The following TIMP3 variants were observed in gnomAD, a reference collection of about 807,000 sequenced individuals.
TIMP3 encodes TIMP metallopeptidase inhibitor 3.
A neutral mutation model predicts 30.0 loss-of-function variants in TIMP3; 11 were observed. That is an observed-to-expected ratio of 0.37 (90% CI 0.23 to 0.61). The LOEUF is 0.61. Ranked by LOEUF, TIMP3 falls within the 20% of genes least tolerant of loss-of-function variation. The pLI, the probability that TIMP3 is intolerant of heterozygous loss-of-function variation, is 0.70. For synonymous variants in TIMP3, 112 were observed against 111.3 expected (o/e 1.01, Z -0.04); for missense variants, 181 against 276.8 (o/e 0.65, Z 2.45).
chr22:32,846,987 G>GTGACATCT (rs1216881395), intron 1 of TIMP3, among the ~76,000 whole-genome samples: 1 of 152,210 alleles, frequency 6.6e-6, no homozygotes, highest in Non-Finnish European at 1.5e-5. Flanking sequence ...TATGGGGCAG[G>GTGACATCT]TCTGCTTGTG....
intron 1 of TIMP3, among the ~76,000 whole-genome samples, chr22:32,824,738 C>T (rs1489394951): frequency 1.3e-5 from 2 of 152,112 alleles, no homozygotes; most frequent in African/African-American, 2.4e-5. Context: ...CCTCTGCTTT[C>T]GATGTTGTTC....
intron 1 of TIMP3, among the ~76,000 whole-genome samples, chr22:32,803,432 A>T (rs1192643863): frequency 6.6e-6 from 1 of 151,916 alleles, no homozygotes; most frequent in Non-Finnish European, 1.5e-5. Flanking sequence ...GGGTGTGGTG[A>T]CCAGAATGTC....
intron 1 of TIMP3, among the ~76,000 whole-genome samples, chr22:32,840,646 C>T (rs1359114053): frequency 1.3e-5 from 2 of 152,078 alleles, no homozygotes; most frequent in South Asian, 2.1e-4. Flanking sequence ...CCGCCCCCTC[C>T]GCCCCCCACC....
rs78119617 is a variant in TIMP3, at chr22:32,807,592, C to G, written c.121+5470C>G. On this transcript the variant is annotated intron_variant, in intron 1 of 4. Transcript: ENST00000266085. ...TGAGGGAGGTGTGCTATTGTCATCT[C>G]CATTTTACAGCTGAGGAAACTGAGG... 8.5e-3 allele frequency among the ~76,000 whole-genome samples: 1,266 copies of G among 149,776 alleles called. 19 individuals carry two copies. Among genetic ancestry groups the G allele is most frequent in the African/African-American group, 0.029 (1,198 of 40,796 alleles).
chr22:32,810,718 G>C (rs2046894154), intron 1 of TIMP3, among the ~76,000 whole-genome samples: 1 of 152,218 alleles, frequency 6.6e-6, no homozygotes, highest in Non-Finnish European at 1.5e-5. Context: ...CAGAGCTCCT[G>C]CAATGCCTGG....
chr22:32,856,933 A>G (rs938160190), intron 2 of TIMP3, among the ~76,000 whole-genome samples: 9 of 152,176 alleles, frequency 5.9e-5, no homozygotes, highest in African/African-American at 2.2e-4. Flanking sequence ...TGCCTGGCTT[A>G]TTCCGCTTAG....
chr22:32,859,399 C>G lies in TIMP3; in HGVS notation c.*22C>G. The G allele has an allele frequency of 6.2e-7, 1 of 1,601,276 alleles. No homozygotes were observed. The highest frequency in any genetic ancestry group is 1.1e-5 in the South Asian group (1 of 90,410). ...CTGAGCGCCAGACCCTGCCCCACCT[C>G]ACTTCCCTCCCTTCCCGCTGAGCTT... On this transcript the variant is annotated 3_prime_UTR_variant, in exon 5 of 5. Transcript: ENST00000266085.
At chr22:32,804,517 T>C (rs1180221255) in intron 1 of TIMP3, among the ~76,000 whole-genome samples, 2 of 152,196 alleles carry the variant, frequency 1.3e-5, no homozygotes, top group Non-Finnish European at 2.9e-5. Context: ...TTTAAAACCA[T>C]CATGGTGGTT....
At chr22:32,807,737 T>C (rs1056169526) in intron 1 of TIMP3, among the ~76,000 whole-genome samples, 2 of 151,376 alleles carry the variant, frequency 1.3e-5, no homozygotes, top group Non-Finnish European at 2.9e-5. Context: ...GGTCACATTA[T>C]ACCATATCAT....
intron 1 of TIMP3, among the ~76,000 whole-genome samples, chr22:32,807,817 C>T (rs1231653890): frequency 6.6e-6 from 1 of 151,904 alleles, no homozygotes; most frequent in East Asian, 1.9e-4. Flanking sequence ...TTTAATAGTT[C>T]CTGCCAATTT....
At chr22:32,817,018 G>C (rs191816379) in intron 1 of TIMP3, among the ~76,000 whole-genome samples, 1 of 150,798 alleles carries the variant, frequency 6.6e-6, no homozygotes, top group East Asian at 2.0e-4. Context: ...AGGAATTGAA[G>C]ACCAGTCTGG....
chr22:32,828,291 A>G (rs1173037874), intron 1 of TIMP3, among the ~76,000 whole-genome samples: 1 of 152,210 alleles, frequency 6.6e-6, no homozygotes, highest in Non-Finnish European at 1.5e-5. Context: ...CAAGAGGGCA[A>G]GTTCTTACGG....
chr22:32,855,752 A>G (rs866065655), intron 2 of TIMP3, among the ~76,000 whole-genome samples: 23 of 152,318 alleles, frequency 1.5e-4, no homozygotes, highest in Middle Eastern at 3.4e-3. Context: ...TGTTGTGACA[A>G]CCAAAATTGT....
At chr22:32,854,690 C>T (rs1433797937) in intron 2 of TIMP3, among the ~76,000 whole-genome samples, 3 of 152,138 alleles carry the variant, frequency 2.0e-5, no homozygotes, top group Admixed American at 6.5e-5. Context: ...AAGTCATCAT[C>T]GTGACTCTAC....
In TIMP3 at chr22:32,861,888, G is replaced by A. The variant is rs1480111462; in HGVS notation, c.*2511G>A. 6.6e-6 allele frequency: 1 copy of A among 152,592 alleles called. No homozygotes were observed. Among genetic ancestry groups the A allele is most frequent in the African/African-American group, 2.4e-5 (1 of 41,416 alleles). 9.5% of individuals were successfully genotyped at this position (152,592 alleles called of 1,614,324 possible). ...TTTATTTTGCTAAATCTTGTGTCAT[G>A]TGTAGGCTGTAATATGTGTACATTG... On this transcript the variant is annotated 3_prime_UTR_variant, in exon 5 of 5. Coordinates refer to ENST00000266085, the MANE Select transcript of TIMP3 (RefSeq NM_000362.5).
chr22:32,861,258 C>A lies in TIMP3; in HGVS notation c.*1881C>A. On this transcript the variant is annotated 3_prime_UTR_variant, in exon 5 of 5. Coordinates refer to ENST00000266085, the MANE Select transcript of TIMP3 (RefSeq NM_000362.5). The stretch of plus-strand genomic sequence containing the variant: ...CCAGGCAAGGTGCTTGGCAGAACCG[C>A]AGAGTGGGAAGAGAGTACCGGCATC... 6.6e-6 allele frequency: 1 copy of A among 152,332 alleles called. No homozygotes were observed. 9.4% of individuals were successfully genotyped at this position (152,332 alleles called of 1,614,324 possible).
At chr22:32,820,324 C>A (rs1459118278) in intron 1 of TIMP3, among the ~76,000 whole-genome samples, 1 of 147,762 alleles carries the variant, frequency 6.8e-6, no homozygotes, top group African/African-American at 2.5e-5. Flanking sequence ...GTGTGTGTGT[C>A]ATCCTCTGCT....
At chr22:32,804,341 A>G (rs1311122094) in intron 1 of TIMP3, among the ~76,000 whole-genome samples, 1 of 152,148 alleles carries the variant, frequency 6.6e-6, no homozygotes, top group East Asian at 1.9e-4. Flanking sequence ...TTGGCTCCCA[A>G]GTTTCATTGC....
At chr22:32,816,757 C>T (rs11703661) in intron 1 of TIMP3, among the ~76,000 whole-genome samples, 241 of 152,262 alleles carry the variant, frequency 1.6e-3, no homozygotes, top group Middle Eastern at 0.014. Context: ...AGGCTGCCTC[C>T]TTGTCTTGCT....
Sources: gnomAD v4.1 joint callset for allele counts (sites outside exome capture counted in the v4.1 genomes callset) on GRCh38, gnomAD v4.1.1 for gene constraint, MANE v1.5 for transcripts, NCBI Gene and HGNC (gene_info 2026-07-23, HGNC 2026-07-21) for gene names.